The following CEACAM8 variants were observed in gnomAD, a reference collection of about 807,000 sequenced individuals.
The protein encoded by CEACAM8 is CEA cell adhesion molecule 8.
A neutral mutation model predicts 33.4 loss-of-function variants in CEACAM8; 31 were observed. That is an observed-to-expected ratio of 0.93 (90% CI 0.70 to 1.25). The LOEUF (loss-of-function observed/expected upper bound fraction) is 1.25. CEACAM8 is among the 50% of genes most tolerant of loss of function. The pLI is 0.00. For missense variants in CEACAM8, 388 were observed against 434.6 expected (o/e 0.89, Z 0.95); for synonymous variants, 138 against 164.5 (o/e 0.84, Z 1.23).
intron 5 of CEACAM8, among the ~76,000 whole-genome samples, chr19:42,581,687 C>T (rs1344075305): frequency 2.0e-5 from 3 of 150,474 alleles, no homozygotes; most frequent in East Asian, 2.0e-4. Flanking sequence ...GTCATGAGAT[C>T]GAGACCAGCC....
intron 4 of CEACAM8, among the ~76,000 whole-genome samples, chr19:42,585,313 C>CAAAAAA (rs34190972): frequency 8.1e-5 from 5 of 61,884 alleles, no homozygotes; most frequent in African/African-American, 2.0e-4. Flanking sequence ...CTCTCTCTCT[C>CAAAAAA]AAAAAAAAAA....
At chr19:42,581,920 A>AATATATATATATAT (rs57314008) in intron 5 of CEACAM8, among the ~76,000 whole-genome samples, 36 of 25,308 alleles carry the variant, frequency 1.4e-3, no homozygotes, top group African/African-American at 3.8e-3. Flanking sequence ...AAAAAAAAAA[A>AATATATATATATAT]ATATATATAT....
At position 42,593,770 on chromosome 19, in the gene CEACAM8, G is replaced by A. The variant is rs367960098; in HGVS notation, c.195C>T (p.Tyr65=). 6.2e-6 allele frequency: 10 copies of A among 1,613,930 alleles called. No homozygotes were observed. The highest frequency in any genetic ancestry group is 8.5e-6 in the Non-Finnish European group (10 of 1,180,014). Residue 65 remains tyrosine (Y), a synonymous_variant, in exon 2 of 6, where the codon TAC becomes TAT. Coordinates refer to ENST00000244336, the MANE Select transcript of CEACAM8 (RefSeq NM_001816.4). ...CCACTGTTTCCCCTTTGTACCAGTT[G>A]TAGCCACGAGGGTCCTGGGGCAGAT... The part of the protein sequence containing the change: ...VHNLPQDPRG[Y]NWYKGETVDA...
intron 4 of CEACAM8, among the ~76,000 whole-genome samples, chr19:42,587,191 C>T (rs28750729): frequency 0.058 from 8,795 of 152,226 alleles, 839 homozygotes; most frequent in African/African-American, 0.2. Context: ...ATGGCTGTTT[C>T]TCAAACAATT....
rs2042246336 is a variant in CEACAM8 at position 42,580,428 on chromosome 19, T to C, written c.*966A>G. The stretch of plus-strand genomic sequence containing the variant: ...TGGGTGGACTAAAGGATCTCATACG[T>C]AAAAATTTGGGGTTGACACGATAGA... On this transcript the variant is annotated 3_prime_UTR_variant, in exon 6 of 6. Transcript: ENST00000244336. 1 of 152,244 alleles carries C rather than the reference T, an allele frequency of 6.6e-6. No individual in the cohort carries two copies. Among genetic ancestry groups the C allele is most frequent in the South Asian group, 2.1e-4 (1 of 4,834 alleles). 9.4% of individuals were successfully genotyped at this position (152,244 alleles called of 1,614,324 possible).
chr19:42,581,920 AAT>A (rs57314008), intron 5 of CEACAM8, among the ~76,000 whole-genome samples: 355 of 25,298 alleles, frequency 0.014, 6 homozygotes, highest in African/African-American at 0.021. Context: ...AAAAAAAAAA[AAT>A]ATATATATAT....
chr19:42,589,995 T>C (rs1318455439), intron 2 of CEACAM8, among the ~76,000 whole-genome samples: 2 of 152,198 alleles, frequency 1.3e-5, no homozygotes, highest in African/African-American at 4.8e-5. Context: ...GACCCAGGAC[T>C]GGGAGTTACA....
At chr19:42,582,617 C>G (rs147768335) in intron 5 of CEACAM8, among the ~76,000 whole-genome samples, 283 of 152,224 alleles carry the variant, frequency 1.9e-3, no homozygotes, top group Non-Finnish European at 3.4e-3. Context: ...TGTTTCTAGG[C>G]ATAGCATTGG....
intron 4 of CEACAM8, among the ~76,000 whole-genome samples, chr19:42,585,124 G>A (rs1196097654): frequency 6.6e-6 from 1 of 151,924 alleles, no homozygotes; most frequent in African/African-American, 2.4e-5. Flanking sequence ...GGGAGACCCT[G>A]TCTCTACAAA....
chr19:42,588,047 T>C (rs2042366372), intron 4 of CEACAM8, among the ~76,000 whole-genome samples: 1 of 152,198 alleles, frequency 6.6e-6, no homozygotes, highest in South Asian at 2.1e-4. Flanking sequence ...CAAGTGTGCA[T>C]CACTCACTGT....
At chr19:42,588,706 T>C in intron 4 of CEACAM8, 78 bp downstream of exon 4, 1 of 1,550,416 alleles carries the variant, frequency 6.4e-7, no homozygotes. Context: ...GGAATAAAAC[T>C]TTTTTTCTGG....
At chr19:42,594,421 A>C (rs1215221480) in intron 1 of CEACAM8, among the ~76,000 whole-genome samples, 2 of 152,036 alleles carry the variant, frequency 1.3e-5, no homozygotes, top group Non-Finnish European at 2.9e-5. Flanking sequence ...CCTGAGGCTT[A>C]TTTGCCAATG....
At chr19:42,581,924 T>A (rs1345304246) in intron 5 of CEACAM8, among the ~76,000 whole-genome samples, 149 of 72,260 alleles carry the variant, frequency 2.1e-3, no homozygotes, top group Non-Finnish European at 2.7e-3. Flanking sequence ...AAAAAAAATA[T>A]ATATATATAT....
chr19:42,590,267 C>G (rs971117032), intron 2 of CEACAM8, among the ~76,000 whole-genome samples: 3 of 152,200 alleles, frequency 2.0e-5, no homozygotes, highest in African/African-American at 7.2e-5. Context: ...GAGGTCGGTT[C>G]CGTCGTCAGG....
At chr19:42,591,482 T>C (rs1210169858) in intron 2 of CEACAM8, among the ~76,000 whole-genome samples, 1 of 152,238 alleles carries the variant, frequency 6.6e-6, no homozygotes, top group Non-Finnish European at 1.5e-5. Flanking sequence ...ATGTGTGTTA[T>C]GTTAGTAAAT....
intron 2 of CEACAM8, 152 bp from the exon 3 acceptor site, chr19:42,589,887 A>G: frequency 1.4e-6 from 2 of 1,476,574 alleles, no homozygotes; most frequent in South Asian, 2.6e-5. Context: ...CAGATGCACA[A>G]TGATCGGGGC....
At position 42,589,543 on chromosome 19, in the gene CEACAM8, G is replaced by A; in HGVS notation, c.617C>T (p.Thr206Ile). 1 of 1,614,204 alleles carries A rather than the reference G, an allele frequency of 6.2e-7. No individual in the cohort carries two copies. The highest frequency in any genetic ancestry group is 8.5e-7 in the Non-Finnish European group (1 of 1,180,038). The part of the protein sequence containing the change: ...GNRTLTLLSV[T>I]RNDVGPYECE... ...TTCATAGGGTCCTACGTCATTCCTTGTGACACTGAGTAGAGTGAGGGTCCT... is the reference window on the plus strand; with the variant it reads ...TTCATAGGGTCCTACGTCATTCCTTATGACACTGAGTAGAGTGAGGGTCCT... Residue 206 changes from threonine (T) to isoleucine (I), a missense_variant, in exon 3 of 6, where the codon ACA becomes ATA. Coordinates refer to ENST00000244336, the MANE Select transcript of CEACAM8 (RefSeq NM_001816.4).
In CEACAM8 at chr19:42,593,551, G is replaced by A. The variant is rs140735487; in HGVS notation, c.414C>T (p.Phe138=). 153 of 1,570,312 alleles carry A rather than the reference G, an allele frequency of 9.7e-5. No homozygotes were observed. Among genetic ancestry groups the A allele is most frequent in the Non-Finnish European group, 1.2e-4 (139 of 1,156,326 alleles). ...TGGGGAATCACTCACGATGTACGCT[G>A]AACTGGCCAGTTACTTCTTCACTCA... The part of the protein sequence containing the change: ...NLMSEEVTGQ[F]SVHPETPKPS... Residue 138 remains phenylalanine (F), a synonymous_variant, in exon 2 of 6, where the codon TTC becomes TTT. Transcript: ENST00000244336.
At chr19:42,590,188 T>A (rs2042411268) in intron 2 of CEACAM8, among the ~76,000 whole-genome samples, 1 of 152,208 alleles carries the variant, frequency 6.6e-6, no homozygotes, top group East Asian at 1.9e-4. Flanking sequence ...TGATGGGACA[T>A]GCCACTATCC....
Sources: gnomAD v4.1 joint callset for allele counts (sites outside exome capture counted in the v4.1 genomes callset) on GRCh38, gnomAD v4.1.1 for gene constraint, MANE v1.5 for transcripts, NCBI Gene and HGNC (gene_info 2026-07-23, HGNC 2026-07-21) for gene names.